NBAS: variants seen among roughly 807,000 people sequenced by gnomAD.
The protein encoded by NBAS is NBAS subunit of NRZ tethering complex.
Under a neutral mutation model 302.5 loss-of-function variants are expected in NBAS, and 219 were observed. That is an observed-to-expected ratio of 0.72 (90% CI 0.65 to 0.81). The LOEUF (loss-of-function observed/expected upper bound fraction) is 0.81. Ranked by LOEUF, NBAS falls within the 30% of genes least tolerant of loss-of-function variation. The pLI, the probability that NBAS is intolerant of heterozygous loss-of-function variation, is 0.00. For synonymous variants in NBAS, 1,118 were observed against 1,021.6 expected, an observed-to-expected ratio of 1.09 and a Z score of -1.80; for missense variants, 2,932 against 2,841.6, an observed-to-expected ratio of 1.03 and a Z score of -0.72.
At chr2:15,502,297 A>G (rs771485310) in intron 11 of NBAS, among the ~76,000 whole-genome samples, 4 of 152,230 alleles carry the variant, frequency 2.6e-5, no homozygotes, top group Non-Finnish European at 5.9e-5. Flanking sequence ...GTTCATGATA[A>G]TAAGAAATTA....
At chr2:15,397,368 CA>C (rs949917980) in intron 26 of NBAS, 40 of 250,892 alleles carry the variant, frequency 1.6e-4, no homozygotes, top group African/African-American at 9.1e-4. Context: ...ATTTTTTTTT[CA>C]GTACAATTTC....
chr2:15,181,955 C>G (rs1423130720), intron 50 of NBAS, among the ~76,000 whole-genome samples: 1 of 152,242 alleles, frequency 6.6e-6, no homozygotes, highest in Non-Finnish European at 1.5e-5. Context: ...TGCAAGGCAG[C>G]TTGCAGTCCT....
At chr2:14,944,456 C>T in the NBAS span, among the ~76,000 whole-genome samples, 3 of 152,202 alleles carry the variant, frequency 2.0e-5, no homozygotes, top group Non-Finnish European at 2.9e-5. Context: ...CTTGACACAA[C>T]TGGTAAGAAG....
At chr2:15,090,528 C>T in the NBAS span, among the ~76,000 whole-genome samples, 5 of 152,190 alleles carry the variant, frequency 3.3e-5, no homozygotes, top group African/African-American at 4.8e-5. Flanking sequence ...CATTTACCCC[C>T]AAACCTCACT....
At chr2:14,916,424 A>G in the NBAS span, among the ~76,000 whole-genome samples, 2 of 152,226 alleles carry the variant, frequency 1.3e-5, no homozygotes, top group East Asian at 1.9e-4. Context: ...GCAGCTGTGC[A>G]GTAAATTTTC....
At chr2:15,066,501 T>C in the NBAS span, among the ~76,000 whole-genome samples, 1 of 152,106 alleles carries the variant, frequency 6.6e-6, no homozygotes, top group African/African-American at 2.4e-5. Flanking sequence ...GGAAATCATA[T>C]GACGCAAGAG....
At chr2:15,529,011 T>G (rs749301037) in intron 9 of NBAS, among the ~76,000 whole-genome samples, 5 of 151,760 alleles carry the variant, frequency 3.3e-5, no homozygotes, top group African/African-American at 4.8e-5. Context: ...ACATGGTGCA[T>G]TCCACAAAGC....
At chr2:15,191,200 T>C (rs1466937962) in intron 48 of NBAS, among the ~76,000 whole-genome samples, 3 of 152,162 alleles carry the variant, frequency 2.0e-5, no homozygotes, top group Non-Finnish European at 4.4e-5. Flanking sequence ...TCATAATGAT[T>C]TGGGTACAGA....
At chr2:15,128,199 G>T in the NBAS span, among the ~76,000 whole-genome samples, 604 of 152,206 alleles carry the variant, frequency 4.0e-3, no homozygotes, top group Non-Finnish European at 6.0e-3. Flanking sequence ...AACTTATTTG[G>T]TCAAAACCTG....
chr2:15,451,227 T>C (rs1325702370), intron 21 of NBAS, among the ~76,000 whole-genome samples: 1 of 152,250 alleles, frequency 6.6e-6, no homozygotes, highest in African/African-American at 2.4e-5. Context: ...ATTATTTTTA[T>C]TTTCTGTAGA....
the NBAS span, among the ~76,000 whole-genome samples, chr2:15,083,033 A>G: frequency 6.6e-6 from 1 of 152,204 alleles, no homozygotes; most frequent in Non-Finnish European, 1.5e-5. Context: ...GAATATTTCC[A>G]TTTGCATGAG....
At chr2:15,416,150 A>G (rs968214151) in intron 24 of NBAS, among the ~76,000 whole-genome samples, 1 of 152,166 alleles carries the variant, frequency 6.6e-6, no homozygotes, top group African/African-American at 2.4e-5. Flanking sequence ...GAGACCTTAG[A>G]CCAACAAAGA....
chr2:15,513,722 C>T (rs756592169), intron 9 of NBAS, among the ~76,000 whole-genome samples: 34 of 151,438 alleles, frequency 2.2e-4, no homozygotes, highest in Non-Finnish European at 4.0e-4. Context: ...GATGCAGTGG[C>T]TCATGTCTGT....
chr2:15,399,505 A>G (rs1676043290), intron 26 of NBAS, among the ~76,000 whole-genome samples: 1 of 152,018 alleles, frequency 6.6e-6, no homozygotes. Context: ...TACAGTTCTC[A>G]GAGACACACT....
chr2:15,396,570 T>C, intron 26 of NBAS, 95 bp from the exon 27 acceptor site: 1 of 783,952 alleles, frequency 1.3e-6, no homozygotes. Context: ...AAAAGATGTT[T>C]CTTTTATATG....
rs763659083 is a variant in NBAS, at chr2:15,218,976, G to A, written c.6237-8C>T. The stretch of plus-strand genomic sequence containing the variant: ...GGTGAAACCAGCTCCTCACTGCAGG[G>A]CAAAATCCAGAGGTATCTGTAAACT... On this transcript the variant is annotated splice_region_variant and splice_polypyrimidine_tract_variant and intron_variant, in intron 47 of 51. Coordinates refer to ENST00000281513, the MANE Select transcript of NBAS (RefSeq NM_015909.4). 1 of 1,614,142 alleles carries A rather than the reference G, an allele frequency of 6.2e-7. No individual in the cohort carries two copies. The highest frequency in any genetic ancestry group is 1.1e-5 in the South Asian group (1 of 91,074).
chr2:15,474,264 C>T lies in NBAS; in HGVS notation c.1402G>A (p.Glu468Lys). The T allele has an allele frequency of 6.2e-7, 1 of 1,613,934 alleles. No homozygotes were observed. The highest frequency in any genetic ancestry group is 8.5e-7 in the Non-Finnish European group (1 of 1,179,848). Residue 468 changes from glutamate (E) to lysine (K), a missense_variant, in exon 15 of 52, where the codon GAA (glutamate) becomes AAA (lysine). Glu to Lys is a moderately conservative substitution (Grantham distance 56). Coordinates refer to ENST00000281513, the MANE Select transcript of NBAS (RefSeq NM_015909.4). ...RLETRAGEED[E>K]GEEDSDSDYE... is the part of the protein sequence containing the mutation. ...TCAGAATCAGAATCCTCTTCTCCTTCATCTTCTTCTCCAGCTCTAGTCTCC... is the reference window on the plus strand; with the variant it reads ...TCAGAATCAGAATCCTCTTCTCCTTTATCTTCTTCTCCAGCTCTAGTCTCC...
the NBAS span, among the ~76,000 whole-genome samples, chr2:14,784,258 T>G: frequency 1.2e-4 from 18 of 152,174 alleles, no homozygotes; most frequent in African/African-American, 4.1e-4. Context: ...GTTCTCCCAT[T>G]TTGTAGGTTG....
intron 23 of NBAS, among the ~76,000 whole-genome samples, chr2:15,417,969 A>G (rs1677030085): frequency 6.6e-6 from 1 of 152,350 alleles, no homozygotes; most frequent in South Asian, 2.1e-4. Context: ...ATAAATTTGT[A>G]GAGCGTTACA....
Sources: gnomAD v4.1 joint callset for allele counts (sites outside exome capture counted in the v4.1 genomes callset) on GRCh38, gnomAD v4.1.1 for gene constraint, MANE v1.5 for transcripts, NCBI Gene and HGNC (gene_info 2026-07-23, HGNC 2026-07-21) for gene names.